APP: variants seen among roughly 807,000 people sequenced by gnomAD.
APP encodes amyloid beta precursor protein.
A neutral mutation model predicts 101.4 loss-of-function variants in APP; 31 were observed. The ratio of observed to expected loss-of-function variants is 0.31; its 90% confidence interval spans 0.23 to 0.41. The LOEUF is 0.41. Among genes scored for constraint, APP ranks in the 10% least tolerant of loss-of-function variants. The probability of loss-of-function intolerance (pLI) is 1.00; values close to 1 mark genes in which losing one functional copy is unlikely to be tolerated. For missense variants in APP, 839 were observed against 1,003.7 expected (o/e 0.84, Z 2.22); for synonymous variants, 366 against 364.4 (o/e 1.00, Z -0.05).
chr21:25,971,282 G>C (rs1272277627), intron 11 of APP, among the ~76,000 whole-genome samples: 1 of 152,128 alleles, frequency 6.6e-6, no homozygotes, highest in African/African-American at 2.4e-5. Context: ...TCTTGACCTC[G>C]TGATCCGCCC....
chr21:26,131,046 A>G (rs1009720957), intron 1 of APP, among the ~76,000 whole-genome samples: 2 of 152,106 alleles, frequency 1.3e-5, no homozygotes, highest in African/African-American at 2.4e-5. Flanking sequence ...CCTGACCAAC[A>G]TGGAGAAACC....
intron 11 of APP, among the ~76,000 whole-genome samples, chr21:25,959,434 AAAAC>A (rs2041482083): frequency 1.3e-5 from 2 of 152,260 alleles, no homozygotes; most frequent in African/African-American, 2.4e-5. Context: ...CTCCGTCTCA[AAAAC>A]AAACAAACAA....
chr21:25,978,221 C>T (rs2042294046), intron 9 of APP, among the ~76,000 whole-genome samples: 1 of 152,262 alleles, frequency 6.6e-6, no homozygotes, highest in Non-Finnish European at 1.5e-5. Flanking sequence ...CCTATACCCC[C>T]ACAAATAAAC....
rs1259845250 is a variant in APP, at chr21:26,168,570, A to ACTTTTTATAC, written c.57+1993_57+1994insGTATAAAAAG. Among the ~76,000 whole-genome samples the ACTTTTTATAC allele has an allele frequency of 3.3e-5, 5 of 151,622 alleles. No individual in the cohort carries two copies. In the South Asian group the frequency reaches 1.0e-3, roughly 31 times the overall value. On this transcript the variant is annotated intron_variant, in intron 1 of 17. Coordinates refer to ENST00000346798, the MANE Select transcript of APP (RefSeq NM_000484.4). ...TACATGCTTCCTCTTTTTATACAGA[A>ACTTTTTATAC]AGAAATATTGCTCAACAAAGTTACA... is the stretch of plus-strand genomic sequence containing the variant.
At chr21:26,098,647 C>A (rs1293508978) in intron 2 of APP, among the ~76,000 whole-genome samples, 2 of 152,144 alleles carry the variant, frequency 1.3e-5, no homozygotes, top group Non-Finnish European at 2.9e-5. Flanking sequence ...TAACAAAAGG[C>A]TGAAAACAAA....
intron 3 of APP, among the ~76,000 whole-genome samples, chr21:26,067,209 C>A (rs1182834497): frequency 6.6e-6 from 1 of 152,162 alleles, no homozygotes; most frequent in East Asian, 1.9e-4. Flanking sequence ...TCCTAAATTT[C>A]ATCATTTCAA....
chr21:25,897,726 AAAT>A (rs1307228162), intron 15 of APP, 53 bp from the exon 16 acceptor site: 7 of 1,440,668 alleles, frequency 4.9e-6, no homozygotes, highest in African/African-American at 2.8e-5. Flanking sequence ...TTTTACTCAT[AAAT>A]AATAACACTG....
intron 13 of APP, chr21:25,934,994 AC>A (rs2040302897): frequency 2.0e-5 from 3 of 152,136 alleles, no homozygotes; most frequent in Non-Finnish European, 4.4e-5. Context: ...GTCAACCCTT[AC>A]ACTCAGCAAG....
At chr21:26,008,667 T>G (rs2043645423) in intron 6 of APP, among the ~76,000 whole-genome samples, 1 of 152,200 alleles carries the variant, frequency 6.6e-6, no homozygotes, top group Non-Finnish European at 1.5e-5. Flanking sequence ...TAGCAGGAGT[T>G]GGCTACACTA....
chr21:25,886,040 T>C (rs2037301649), intron 17 of APP, among the ~76,000 whole-genome samples: 1 of 152,016 alleles, frequency 6.6e-6, no homozygotes, highest in Non-Finnish European at 1.5e-5. Context: ...TGTCCTTTTA[T>C]ACAAGGGACT....
chr21:26,076,065 T>C (rs545367312), intron 3 of APP, among the ~76,000 whole-genome samples: 204 of 152,270 alleles, frequency 1.3e-3, no homozygotes, highest in African/African-American at 4.8e-3. Flanking sequence ...GGCTAATTTT[T>C]GTACTTTTAG....
At chr21:26,102,930 G>T (rs142162588) in intron 2 of APP, among the ~76,000 whole-genome samples, 2 of 145,312 alleles carry the variant, frequency 1.4e-5, no homozygotes, top group African/African-American at 5.0e-5. Flanking sequence ...AATAATTGAC[G>T]TAGTTGTATT....
intron 3 of APP, among the ~76,000 whole-genome samples, chr21:26,065,627 CAG>C (rs1437534664): frequency 1.3e-5 from 2 of 152,108 alleles, no homozygotes; most frequent in African/African-American, 2.4e-5. Context: ...AAGCTAATGA[CAG>C]AGGTGGGCTC....
At chr21:26,130,967 C>T (rs1304272302) in intron 1 of APP, among the ~76,000 whole-genome samples, 2 of 152,146 alleles carry the variant, frequency 1.3e-5, no homozygotes, top group African/African-American at 2.4e-5. Context: ...CAGTGGCTCC[C>T]GCCTGTAATC....
At chr21:26,018,545 C>T (rs1422754035) in intron 6 of APP, among the ~76,000 whole-genome samples, 10 of 152,200 alleles carry the variant, frequency 6.6e-5, no homozygotes, top group Non-Finnish European at 1.5e-4. Context: ...AAAACATCTA[C>T]TTCTTTACTG....
chr21:25,918,859 C>A (rs1370257585), intron 13 of APP, among the ~76,000 whole-genome samples: 15 of 148,794 alleles, frequency 1.0e-4, no homozygotes, highest in Non-Finnish European at 1.9e-4. Flanking sequence ...CCGGGAAGCT[C>A]GAACTGGGTG....
At chr21:26,074,268 T>A (rs2146046321) in intron 3 of APP, among the ~76,000 whole-genome samples, 1 of 152,244 alleles carries the variant, frequency 6.6e-6, no homozygotes, top group Non-Finnish European at 1.5e-5. Context: ...AGTACCTACA[T>A]CTATTAATAC....
intron 5 of APP, among the ~76,000 whole-genome samples, chr21:26,030,947 T>C (rs1158451115): frequency 6.6e-6 from 1 of 152,140 alleles, no homozygotes; most frequent in Non-Finnish European, 1.5e-5. Context: ...CAGACAAAAT[T>C]CCCTGCCTTC....
At chr21:26,035,105 G>T in intron 5 of APP, among the ~76,000 whole-genome samples, 1 of 151,860 alleles carries the variant, frequency 6.6e-6, no homozygotes, top group African/African-American at 2.4e-5. Context: ...GGGCAACAAA[G>T]TGAGATCTTG....
Sources: allele counts gnomAD v4.1 joint callset (sites outside exome capture counted in the v4.1 genomes callset), GRCh38; gene constraint gnomAD v4.1.1; transcripts MANE v1.5; gene names NCBI Gene and HGNC (gene_info 2026-07-23, HGNC 2026-07-21).